Variants in PLXDC2 observed in about 807,000 individuals in gnomAD.
PLXDC2 encodes plexin domain containing 2.
In PLXDC2, 40 loss-of-function variants were observed where a neutral mutation model predicts 68.9. The ratio of observed to expected loss-of-function variants is 0.58; its 90% CI spans 0.45 to 0.76. The LOEUF (loss-of-function observed/expected upper bound fraction) is 0.76. Ranked by LOEUF, PLXDC2 falls within the 30% of genes least tolerant of loss-of-function variation. The pLI is 0.00. For missense variants in PLXDC2, 644 were observed against 661.9 expected, an observed-to-expected ratio of 0.97 and a Z score of 0.30; for synonymous variants, 243 against 234.2, an observed-to-expected ratio of 1.04 and a Z score of -0.34.
intron 1 of PLXDC2, among the ~76,000 whole-genome samples, chr10:19,874,350 A>G (rs551220466): frequency 6.6e-6 from 1 of 152,242 alleles, no homozygotes; most frequent in South Asian, 2.1e-4. Context: ...ATCTCCTCTT[A>G]CTGGTTAGTA....
chr10:19,915,453 T>A (rs1478863884), intron 1 of PLXDC2, among the ~76,000 whole-genome samples: 1 of 152,208 alleles, frequency 6.6e-6, no homozygotes, highest in East Asian at 1.9e-4. Flanking sequence ...TTACATACAT[T>A]GAGAACTACA....
chr10:20,046,753 A>G (rs1372533383), intron 2 of PLXDC2, 116 bp from the exon 3 acceptor site: 8 of 1,024,750 alleles, frequency 7.8e-6, no homozygotes, highest in African/African-American at 3.2e-5. Flanking sequence ...GAGTATAGTT[A>G]AATCATTTTG....
chr10:19,973,134 G>T (rs1834381823), intron 1 of PLXDC2, among the ~76,000 whole-genome samples: 1 of 151,440 alleles, frequency 6.6e-6, no homozygotes, highest in East Asian at 1.9e-4. Flanking sequence ...TTAATAAGCT[G>T]TGCCTATGGT....
chr10:19,824,978 A>T (rs1447825755), intron 1 of PLXDC2, among the ~76,000 whole-genome samples: 5 of 152,158 alleles, frequency 3.3e-5, no homozygotes, highest in African/African-American at 1.2e-4. Flanking sequence ...ACGTTACTGG[A>T]TATCCAGACT....
chr10:20,228,102 C>G (rs1835310422), intron 12 of PLXDC2, among the ~76,000 whole-genome samples: 1 of 152,098 alleles, frequency 6.6e-6, no homozygotes, highest in South Asian at 2.1e-4. Flanking sequence ...TTAATTTGAG[C>G]ATGTTGATGT....
At chr10:19,885,791 G>A (rs1163769685) in intron 1 of PLXDC2, among the ~76,000 whole-genome samples, 41 of 152,312 alleles carry the variant, frequency 2.7e-4, no homozygotes, top group Non-Finnish European at 2.2e-4. Flanking sequence ...GTAGCATGAT[G>A]CCTCCAGCTT....
chr10:20,145,263 A>C (rs1834061713), intron 5 of PLXDC2, among the ~76,000 whole-genome samples: 2 of 152,182 alleles, frequency 1.3e-5, no homozygotes, highest in Admixed American at 6.5e-5. Flanking sequence ...TATTGAGTTC[A>C]AACAATATGA....
chr10:20,237,842 A>G (rs1227701976), intron 12 of PLXDC2, among the ~76,000 whole-genome samples: 4 of 152,196 alleles, frequency 2.6e-5, no homozygotes, highest in Non-Finnish European at 1.5e-5. Context: ...TATGGAATTT[A>G]TGGGCTGCAG....
At chr10:20,147,997 T>A (rs79496047) in intron 6 of PLXDC2, 95 bp downstream of exon 6, 42,485 of 852,732 alleles carry the variant, frequency 0.05, 1,374 homozygotes, top group Middle Eastern at 0.079. Flanking sequence ...ACAGCCATGA[T>A]CCTCAAATCA....
intron 9 of PLXDC2, among the ~76,000 whole-genome samples, chr10:20,201,015 C>T (rs1421076105): frequency 1.3e-5 from 2 of 152,036 alleles, no homozygotes; most frequent in African/African-American, 2.4e-5. Context: ...ATCTAGCAAT[C>T]CCACTACTAG....
intron 3 of PLXDC2, among the ~76,000 whole-genome samples, chr10:20,049,980 C>G (rs1339354616): frequency 2.0e-5 from 3 of 152,066 alleles, no homozygotes; most frequent in Non-Finnish European, 4.4e-5. Context: ...GCTGAAGTAA[C>G]CAAAACAGCA....
At chr10:19,973,916 G>C (rs1834403749) in intron 1 of PLXDC2, among the ~76,000 whole-genome samples, 1 of 152,164 alleles carries the variant, frequency 6.6e-6, no homozygotes, top group African/African-American at 2.4e-5. Context: ...TCTTCATTTG[G>C]AGTAAAGAAT....
chr10:19,984,255 C>T (rs1834599186), intron 1 of PLXDC2, among the ~76,000 whole-genome samples: 1 of 152,044 alleles, frequency 6.6e-6, no homozygotes, highest in Non-Finnish European at 1.5e-5. Flanking sequence ...GCAGGTGTGT[C>T]CTAGTGAAAG....
At chr10:19,885,253 G>C (rs1051223799) in intron 1 of PLXDC2, among the ~76,000 whole-genome samples, 1 of 151,328 alleles carries the variant, frequency 6.6e-6, no homozygotes, top group Non-Finnish European at 1.5e-5. Context: ...CTGGATATTA[G>C]CCCTTTGTCA....
At chr10:20,246,013 A>G (rs1421296053) in intron 13 of PLXDC2, among the ~76,000 whole-genome samples, 1 of 152,222 alleles carries the variant, frequency 6.6e-6, no homozygotes, top group African/African-American at 2.4e-5. Context: ...AAAAAATGGT[A>G]TGTGCTGTTG....
At chr10:20,104,688 T>TG (rs139740369) in intron 4 of PLXDC2, among the ~76,000 whole-genome samples, 2,273 of 152,018 alleles carry the variant, frequency 0.015, 70 homozygotes, top group African/African-American at 0.05. Flanking sequence ...CATTGTTAAA[T>TG]GGGGGGAGAA....
chr10:19,899,041 A>G (rs940797108), intron 1 of PLXDC2, among the ~76,000 whole-genome samples: 3 of 152,232 alleles, frequency 2.0e-5, no homozygotes, highest in African/African-American at 7.2e-5. Flanking sequence ...CAGAAACTCA[A>G]AAGATGACCC....
chr10:20,211,294 C>CA (rs112587151), intron 9 of PLXDC2, among the ~76,000 whole-genome samples: 24,823 of 151,000 alleles, frequency 0.16, 2,482 homozygotes, highest in Non-Finnish European at 0.22. Flanking sequence ...ACAATATTTG[C>CA]AAAAAAAGTG....
chr10:20,185,051 G>A (rs1469842100), intron 9 of PLXDC2, among the ~76,000 whole-genome samples: 2 of 151,036 alleles, frequency 1.3e-5, no homozygotes, highest in Non-Finnish European at 3.0e-5. Context: ...TAATGCATGC[G>A]GGGCTTAAAA....
Sources: gnomAD v4.1 joint callset for allele counts (sites outside exome capture counted in the v4.1 genomes callset) on GRCh38, gnomAD v4.1.1 for gene constraint, MANE v1.5 for transcripts, NCBI Gene and HGNC (gene_info 2026-07-23, HGNC 2026-07-21) for gene names.